NCOA2: variants seen among roughly 807,000 people sequenced by gnomAD.
NCOA2 encodes class E basic helix-loop-helix protein 75.
In NCOA2, 21 loss-of-function variants were observed where a neutral mutation model predicts 145.1. That is an observed-to-expected ratio of 0.14 (90% CI 0.10 to 0.21). The LOEUF (loss-of-function observed/expected upper bound fraction) is 0.21. NCOA2 is among the 10% of genes least tolerant of loss of function. The pLI is 1.00. For synonymous variants in NCOA2, 619 were observed against 637.5 expected (o/e 0.97, Z 0.44); for missense variants, 1,472 against 1,837.6 (o/e 0.80, Z 3.64).
chr8:70,269,945 G>A (rs988190080), intron 2 of NCOA2, among the ~76,000 whole-genome samples: 8 of 152,046 alleles, frequency 5.3e-5, no homozygotes, highest in South Asian at 2.1e-4. Context: ...ATTGACTAAC[G>A]GCAACCAGTA....
At chr8:70,325,967 G>A (rs1168583574) in intron 1 of NCOA2, among the ~76,000 whole-genome samples, 1 of 152,032 alleles carries the variant, frequency 6.6e-6, no homozygotes, top group African/African-American at 2.4e-5. Flanking sequence ...TAATAGCAGA[G>A]GCAGCTCAAA....
chr8:70,249,817 A>C (rs1822955232), intron 2 of NCOA2, among the ~76,000 whole-genome samples: 1 of 151,420 alleles, frequency 6.6e-6, no homozygotes, highest in Admixed American at 6.6e-5. Context: ...ATGAAAAATT[A>C]GATGGGCGTG....
intron 1 of NCOA2, among the ~76,000 whole-genome samples, chr8:70,400,813 T>C (rs973546245): frequency 1.3e-5 from 2 of 152,242 alleles, no homozygotes; most frequent in Non-Finnish European, 2.9e-5. Flanking sequence ...TGGCAAATAC[T>C]GTTCCCTAGA....
intron 1 of NCOA2, among the ~76,000 whole-genome samples, chr8:70,386,670 CAATCTT>C (rs1812700488): frequency 6.6e-6 from 1 of 152,154 alleles, no homozygotes; most frequent in African/African-American, 2.4e-5. Context: ...TAATGCCGTT[CAATCTT>C]CCTTAGTGAT....
intron 4 of NCOA2, among the ~76,000 whole-genome samples, chr8:70,198,773 C>A (rs980497003): frequency 3.3e-5 from 5 of 152,062 alleles, no homozygotes; most frequent in Admixed American, 6.6e-5. Context: ...AGGTGATCAG[C>A]GCATGGTGGT....
chr8:70,235,363 G>A (rs1298255672), intron 2 of NCOA2, among the ~76,000 whole-genome samples: 1 of 152,072 alleles, frequency 6.6e-6, no homozygotes, highest in Non-Finnish European at 1.5e-5. Context: ...TAATGGTGAT[G>A]GTTGCACAAT....
intron 4 of NCOA2, among the ~76,000 whole-genome samples, chr8:70,184,689 G>A (rs1045982416): frequency 6.6e-6 from 1 of 152,136 alleles, no homozygotes; most frequent in African/African-American, 2.4e-5. Context: ...CAATAAACGT[G>A]TAGAGAAAGA....
intron 10 of NCOA2, among the ~76,000 whole-genome samples, chr8:70,158,698 G>A (rs1812546896): frequency 6.6e-6 from 1 of 152,140 alleles, no homozygotes; most frequent in Admixed American, 6.5e-5. Context: ...GTTGCAGTGA[G>A]CTGAGATCGC....
chr8:70,202,392 T>G (rs1817987204), intron 4 of NCOA2, among the ~76,000 whole-genome samples: 1 of 152,190 alleles, frequency 6.6e-6, no homozygotes, highest in Non-Finnish European at 1.5e-5. Flanking sequence ...TGCATCCCCA[T>G]GTTAATTGCA....
At chr8:70,439,407 C>T in the NCOA2 span, among the ~76,000 whole-genome samples, 5 of 152,170 alleles carry the variant, frequency 3.3e-5, no homozygotes, top group African/African-American at 1.2e-4. Flanking sequence ...AAGAGGTGAC[C>T]CTTGAGCTGA....
intron 2 of NCOA2, among the ~76,000 whole-genome samples, chr8:70,239,057 C>T (rs746099929): frequency 1.3e-5 from 2 of 152,236 alleles, no homozygotes. Flanking sequence ...CTTCTGTTTA[C>T]ATCCACTACC....
chr8:70,374,732 G>T, intron 1 of NCOA2, among the ~76,000 whole-genome samples: 1 of 151,372 alleles, frequency 6.6e-6, no homozygotes, highest in Admixed American at 6.6e-5. Flanking sequence ...AGCACAGGAG[G>T]TTAAGGCTGC....
chr8:70,199,851 T>C (rs1817702984), intron 4 of NCOA2, among the ~76,000 whole-genome samples: 2 of 152,172 alleles, frequency 1.3e-5, no homozygotes, highest in African/African-American at 4.8e-5. Flanking sequence ...ACATCTTTAA[T>C]ACTCACGCTA....
chr8:70,376,575 A>G (rs1811687260), intron 1 of NCOA2, among the ~76,000 whole-genome samples: 1 of 152,242 alleles, frequency 6.6e-6, no homozygotes, highest in South Asian at 2.1e-4. Flanking sequence ...TCAAGAGACC[A>G]GGGTGTGAAT....
chr8:70,124,859 C>A lies in NCOA2; in HGVS notation c.3923G>T (p.Ser1308Ile). 6.4e-7 allele frequency: 1 copy of A among 1,571,324 alleles called. No individual in the cohort carries two copies. The highest frequency in any genetic ancestry group is 8.6e-7 in the Non-Finnish European group (1 of 1,165,488). ...QFPFPPNYGISQQPDPGFTGA... is the reference protein window; with the variant it reads ...QFPFPPNYGIIQQPDPGFTGA... Reference sequence around the variant, plus strand: ...AGTAAAGCCTGGATCAGGTTGCTGACTTATTCCTTAAAAAAAAAAACAGAA... The same window carrying A: ...AGTAAAGCCTGGATCAGGTTGCTGAATTATTCCTTAAAAAAAAAAACAGAA... Residue 1308 changes from serine (S) to isoleucine (I), a missense_variant, in exon 20 of 23, where the codon AGT becomes ATT. Coordinates refer to ENST00000452400, the MANE Select transcript of NCOA2 (RefSeq NM_006540.4).
intron 1 of NCOA2, among the ~76,000 whole-genome samples, chr8:70,306,840 T>TCAC (rs1827933998): frequency 6.6e-6 from 1 of 152,250 alleles, no homozygotes; most frequent in African/African-American, 2.4e-5. Flanking sequence ...GTTTGTGCCA[T>TCAC]CACACTCCAG....
At chr8:70,244,030 T>A (rs1321363080) in intron 2 of NCOA2, among the ~76,000 whole-genome samples, 1 of 152,048 alleles carries the variant, frequency 6.6e-6, no homozygotes, top group Non-Finnish European at 1.5e-5. Context: ...TTTGAGTTGC[T>A]CTCATCTTTT....
Position 70,162,817 on chromosome 8 carries a change from T to C in NCOA2, c.870A>G (p.Ala290=), listed in dbSNP as rs779580262. The change falls in exon 9 of 23, where the codon GCA becomes GCG. Residue 290 remains alanine (A), a synonymous_variant. Coordinates refer to ENST00000452400, the MANE Select transcript of NCOA2 (RefSeq NM_006540.4). Reference sequence around the variant, plus strand: ...GGTCCTCCCAGCCTGGTTTCATGGCTGCTCTCATGGTGCTGGTATCCAGAG... The same window carrying C: ...GGTCCTCCCAGCCTGGTTTCATGGCCGCTCTCATGGTGCTGGTATCCAGAG... ...ITSLDTSTMR[A]AMKPGWEDLV... is the part of the protein sequence containing the mutation. The C allele has an allele frequency of 5.1e-5, 82 of 1,613,864 alleles. No homozygotes were observed. Among genetic ancestry groups the C allele is most frequent in the Non-Finnish European group, 6.4e-5 (75 of 1,179,882 alleles).
At position 70,156,308 on chromosome 8, in the gene NCOA2, T is replaced by C. The variant is rs1262122137; in HGVS notation, c.2057A>G (p.Lys686Arg). The change falls in exon 11 of 23, where the codon AAG (lysine) becomes AGG (arginine). Residue 686 changes from lysine to arginine, a missense_variant. Physicochemically the swap from Lys to Arg is conservative, Grantham distance 26. Transcript: ENST00000452400. ...CAAGAGTCTGTGCAAAATTTTATGC[T>C]TCTCCTTGAGCGAGGTTCCATGTGT... ...GSTHGTSLKE[K>R]HKILHRLLQD... is the part of the protein sequence containing the mutation. 3 of 1,613,974 alleles carry C rather than the reference T, an allele frequency of 1.9e-6. No homozygotes were observed. Among genetic ancestry groups the C allele is most frequent in the East Asian group, 4.5e-5 (2 of 44,886 alleles).
Sources: gnomAD v4.1 joint callset for allele counts (sites outside exome capture counted in the v4.1 genomes callset) on GRCh38, gnomAD v4.1.1 for gene constraint, MANE v1.5 for transcripts, NCBI Gene and HGNC (gene_info 2026-07-23, HGNC 2026-07-21) for gene names.